Variants in HYDIN observed in about 807,000 individuals in gnomAD.
The protein encoded by HYDIN is HYDIN axonemal central pair apparatus protein.
A neutral mutation model predicts 403.9 loss-of-function variants in HYDIN; 132 were observed. That is an observed-to-expected ratio of 0.33 (90% CI 0.28 to 0.38). The LOEUF (loss-of-function observed/expected upper bound fraction) is 0.38. Ranked by LOEUF, HYDIN falls within the 10% of genes least tolerant of loss-of-function variation. HYDIN has a pLI of 1.00. For missense variants in HYDIN, 2,827 were observed against 5,009.5 expected (o/e 0.56, Z 13.15); for synonymous variants, 1,202 against 1,891.7 (o/e 0.64, Z 9.46).
At chr16:70,972,198 G>C (rs1045913264) in intron 35 of HYDIN, among the ~76,000 whole-genome samples, 21 of 124,206 alleles carry the variant, frequency 1.7e-4, no homozygotes, top group Middle Eastern at 3.4e-3. Context: ...TTTTGATAAT[G>C]ATAAAAACAT....
chr16:70,881,288 A>C (rs1374077165), intron 60 of HYDIN, among the ~76,000 whole-genome samples: 1 of 141,320 alleles, frequency 7.1e-6, no homozygotes. Flanking sequence ...GAAGAGGAAG[A>C]AAGCTGCCCC....
chr16:70,967,177 T>G (rs1217096455), intron 36 of HYDIN, among the ~76,000 whole-genome samples: 1 of 151,884 alleles, frequency 6.6e-6, no homozygotes, highest in Non-Finnish European at 1.5e-5. Context: ...GGTGGGAGCA[T>G]GAGATGTGGA....
chr16:70,973,039 A>G (rs144068609), intron 35 of HYDIN, among the ~76,000 whole-genome samples: 53 of 152,328 alleles, frequency 3.5e-4, no homozygotes, highest in Non-Finnish European at 5.1e-4. Context: ...TCTTTTATCT[A>G]TGAGTGAACT....
intron 13 of HYDIN, 152 bp from the exon 14 acceptor site, chr16:71,069,654 T>C: frequency 1.5e-6 from 1 of 648,572 alleles, no homozygotes; most frequent in Non-Finnish European, 2.6e-6. Flanking sequence ...TTATTTTTAT[T>C]GTTTCATTCC....
intron 7 of HYDIN, among the ~76,000 whole-genome samples, chr16:71,138,873 C>T (rs1001177996): frequency 3.3e-5 from 5 of 152,088 alleles, no homozygotes; most frequent in African/African-American, 1.2e-4. Flanking sequence ...CACCCGAGGT[C>T]GGGAGTTCAA....
chr16:71,165,713 T>C (rs551573024), intron 5 of HYDIN, among the ~76,000 whole-genome samples: 24 of 151,922 alleles, frequency 1.6e-4, no homozygotes, highest in African/African-American at 4.6e-4. Context: ...ACAGAGAGAC[T>C]GGAGAGCTCT....
At chr16:70,911,703 T>G (rs1303431142) in intron 47 of HYDIN, among the ~76,000 whole-genome samples, 3 of 152,200 alleles carry the variant, frequency 2.0e-5, no homozygotes, top group Non-Finnish European at 1.5e-5. Flanking sequence ...CTTTTGGCAG[T>G]ATGGTCATTT....
intron 84 of HYDIN, among the ~76,000 whole-genome samples, chr16:70,816,181 A>G (rs1597024367): frequency 6.6e-6 from 1 of 152,154 alleles, no homozygotes; most frequent in African/African-American, 2.4e-5. Context: ...ACAACAAAAA[A>G]CCACCCCACA....
intron 23 of HYDIN, among the ~76,000 whole-genome samples, chr16:70,994,293 G>GGATGGATA (rs1567964680): frequency 6.6e-6 from 1 of 150,932 alleles, no homozygotes; most frequent in Non-Finnish European, 1.5e-5. Context: ...ATGGATGGAT[G>GGATGGATA]GATGGATGGA....
At chr16:70,892,769 C>A (rs1052351667) in intron 55 of HYDIN, among the ~76,000 whole-genome samples, 3 of 152,126 alleles carry the variant, frequency 2.0e-5, no homozygotes, top group African/African-American at 7.2e-5. Flanking sequence ...CAAGAGAGGC[C>A]ATTGCAGGAG....
At chr16:70,958,620 G>A (rs1373387080) in intron 39 of HYDIN, among the ~76,000 whole-genome samples, 2 of 152,204 alleles carry the variant, frequency 1.3e-5, no homozygotes, top group Non-Finnish European at 2.9e-5. Flanking sequence ...TTTGATTTCT[G>A]CCTGTTGCCC....
At chr16:70,948,641 G>A (rs1339213932) in intron 41 of HYDIN, among the ~76,000 whole-genome samples, 1 of 151,746 alleles carries the variant, frequency 6.6e-6, no homozygotes, top group African/African-American at 2.4e-5. Flanking sequence ...TCAAAAAGTG[G>A]GCAAAGGACA....
Position 70,807,887 on chromosome 16 carries a change from A to G in HYDIN, c.15059T>C (p.Met5020Thr), listed in dbSNP as rs1243713237. ...GGEYIIPLFG[M>T]ALPPKPQGPF... is the part of the protein sequence containing the mutation. ...ACCTTGGGGCTTGGGAGGCAGAGCCATTCCAAAGAGGGGGATGATATACTC... is the reference window on the plus strand; with the variant it reads ...ACCTTGGGGCTTGGGAGGCAGAGCCGTTCCAAAGAGGGGGATGATATACTC... Residue 5020 changes from methionine (M) to threonine (T), a missense_variant, in exon 86 of 86, where the codon ATG (methionine) becomes ACG (threonine). Coordinates refer to ENST00000393567, the MANE Select transcript of HYDIN (RefSeq NM_001270974.2). 1.1e-5 allele frequency: 18 copies of G among 1,614,198 alleles called. No individual in the cohort carries two copies. The highest frequency in any genetic ancestry group is 1.4e-5 in the Non-Finnish European group (17 of 1,180,028).
At chr16:71,148,415 G>T (rs1276957321) in intron 7 of HYDIN, among the ~76,000 whole-genome samples, 1 of 152,096 alleles carries the variant, frequency 6.6e-6, no homozygotes, top group Non-Finnish European at 1.5e-5. Context: ...AAGAGCATAA[G>T]GATTGAACAA....
chr16:70,809,521 G>T (rs2035321047), intron 85 of HYDIN, among the ~76,000 whole-genome samples: 1 of 152,128 alleles, frequency 6.6e-6, no homozygotes, highest in African/African-American at 2.4e-5. Context: ...TGGGCGTGCT[G>T]TGTGAAACAA....
intron 9 of HYDIN, among the ~76,000 whole-genome samples, chr16:71,118,213 G>C (rs1454069419): frequency 6.6e-6 from 1 of 151,800 alleles, no homozygotes; most frequent in Admixed American, 6.6e-5. Context: ...CCTGGTACTG[G>C]GAATGCATTG....
chr16:71,067,480 G>C, intron 14 of HYDIN, 90 bp from the exon 15 acceptor site: 1 of 700,342 alleles, frequency 1.4e-6, no homozygotes, highest in Non-Finnish European at 2.5e-6. Flanking sequence ...ACGCTGATCA[G>C]AGTGGTTTCT....
chr16:70,879,229 C>T, intron 62 of HYDIN, 68 bp downstream of exon 62: 1 of 1,298,154 alleles, frequency 7.7e-7, no homozygotes. Context: ...GGCAGAGGCC[C>T]CAGTGGCAGA....
intron 28 of HYDIN, among the ~76,000 whole-genome samples, chr16:70,981,866 C>T (rs796799784): frequency 1.3e-5 from 2 of 151,910 alleles, no homozygotes; most frequent in African/African-American, 2.4e-5. Context: ...TGGTGGCTCA[C>T]GCCTGTAATC....
Sources: gnomAD v4.1 joint callset for allele counts (sites outside exome capture counted in the v4.1 genomes callset) on GRCh38, gnomAD v4.1.1 for gene constraint, MANE v1.5 for transcripts, NCBI Gene and HGNC (gene_info 2026-07-23, HGNC 2026-07-21) for gene names.